Variants in PSMB11 observed in about 807,000 individuals in gnomAD.
The protein encoded by PSMB11 is proteasome subunit beta type-11.
For missense variants in PSMB11, 411 were observed against 408.2 expected (o/e 1.01, Z -0.06); for synonymous variants, 163 against 167.7 (o/e 0.97, Z 0.22).
Position 23,042,730 on chromosome 14 carries a change from C to T in PSMB11, c.505C>T (p.Arg169Cys), listed in dbSNP as rs200339082. Reference sequence around the variant, plus strand: ...CTTCTACGTCTATAGCGACGGCACCCGCCTGCAGGGGGACATCTTCTCTGT... The same window carrying T: ...CTTCTACGTCTATAGCGACGGCACCTGCCTGCAGGGGGACATCTTCTCTGT... ...ELFYVYSDGT[R>C]LQGDIFSVGS... Residue 169 changes from arginine to cysteine, a missense_variant, in exon 1 of 1, where the codon CGC becomes TGC. By Grantham distance (180) the Arg-to-Cys change is radical. Coordinates refer to ENST00000408907, the MANE Select transcript of PSMB11 (RefSeq NM_001099780.2). 1.2e-3 allele frequency: 1,884 copies of T among 1,613,270 alleles called. 5 individuals carry two copies. The Middle Eastern group carries it at 0.012, about 10-fold the overall frequency.
chr14:23,042,315 C>T lies in PSMB11; in HGVS notation c.90C>T (p.Pro30=), dbSNP rs1206550703. The T allele has an allele frequency of 1.2e-6, 2 of 1,613,706 alleles. No homozygotes were observed. ...HLPRAGGWAV[P]RGCDPQTFLQ... ...CTCGGGCTGGCGGCTGGGCTGTGCC[C>T]CGGGGTTGTGACCCTCAAACCTTCC... Residue 30 remains proline (P), a synonymous_variant, in exon 1 of 1, where the codon CCC becomes CCT. Coordinates refer to ENST00000408907, the MANE Select transcript of PSMB11 (RefSeq NM_001099780.2).
rs2047019693 is a variant in PSMB11 at position 23,042,647 on chromosome 14, G to C, written c.422G>C (p.Gly141Ala). 1.9e-6 allele frequency: 3 copies of C among 1,614,052 alleles called. No homozygotes were observed. The highest frequency in any genetic ancestry group is 1.7e-5 in the Admixed American group (1 of 60,032). The change falls in exon 1 of 1, where the codon GGA becomes GCA. Residue 141 changes from glycine to alanine, a missense_variant. Transcript: ENST00000408907. The stretch of plus-strand genomic sequence containing the variant: ...TCAGCCATGATGTCTCAATACCGGG[G>C]ACTGGATCTCTGTGTGGCCACTGCC... ...LLSAMMSQYRGLDLCVATALC... is the reference protein window; with the variant it reads ...LLSAMMSQYRALDLCVATALC...
rs780954406 is a variant in PSMB11, at chr14:23,042,886, G to T, written c.661G>T (p.Gly221Cys). 2.5e-6 allele frequency: 4 copies of T among 1,613,916 alleles called. No homozygotes were observed. The highest frequency in any genetic ancestry group is 2.5e-6 in the Non-Finnish European group (3 of 1,180,018). Residue 221 changes from glycine (G) to cysteine (C), a missense_variant, in exon 1 of 1, where the codon GGC becomes TGC. By Grantham distance (159) the Gly-to-Cys change is radical (BLOSUM62 -3). Transcript: ENST00000408907. ...CACCCACCGTGATGCCTATTCAGGG[G>T]GCTCTGTAGACCTTTTCCACGTGCG... is the stretch of plus-strand genomic sequence containing the variant. The part of the protein sequence containing the change: ...HATHRDAYSG[G>C]SVDLFHVRES...
At position 23,042,864 on chromosome 14, in the gene PSMB11, C is replaced by A. The variant is rs760630483; in HGVS notation, c.639C>A (p.Thr213=). 11 of 1,613,730 alleles carry A rather than the reference C, an allele frequency of 6.8e-6. No homozygotes were observed. Among genetic ancestry groups the A allele is most frequent in the Admixed American group, 1.7e-5 (1 of 60,014 alleles). The stretch of plus-strand genomic sequence containing the variant: ...CTCGCTGCGCCGTGGCCCACGCCAC[C>A]CACCGTGATGCCTATTCAGGGGGCT... The part of the protein sequence containing the change: ...ALARCAVAHA[T]HRDAYSGGSV... Residue 213 remains threonine, a synonymous_variant, in exon 1 of 1, where the codon ACC becomes ACA. Transcript: ENST00000408907.
Position 23,042,818 on chromosome 14 carries a change from C to A in PSMB11, c.593C>A (p.Thr198Asn). ...CGTGGCTATCGCTACGACATGAGCA[C>A]CCAGGAAGCCTACGCCCTGGCTCGC... ...LDRGYRYDMS[T>N]QEAYALARCA... Residue 198 changes from threonine (T) to asparagine (N), a missense_variant, in exon 1 of 1, where the codon ACC becomes AAC. Thr to Asn is a moderately conservative substitution (Grantham distance 65). Coordinates refer to ENST00000408907, the MANE Select transcript of PSMB11 (RefSeq NM_001099780.2). The A allele has an allele frequency of 6.2e-7, 1 of 1,613,108 alleles. No homozygotes were observed.
rs1826983370 is a variant in PSMB11, at chr14:23,043,861, A to C, written c.*733A>C. On this transcript the variant is annotated 3_prime_UTR_variant, in exon 1 of 1. Coordinates refer to ENST00000408907, the MANE Select transcript of PSMB11 (RefSeq NM_001099780.2). ...TCCAGGGTCCATGCTCTTTCAGCAC[A>C]GCTCCCCCTCCCAGGCCCTCTGCCC... 6.0e-6 allele frequency: 1 copy of C among 167,384 alleles called. No individual in the cohort carries two copies. 10.4% of individuals were successfully genotyped at this position (167,384 alleles called of 1,614,324 possible).
rs779964371 is a variant in PSMB11 at position 23,042,393 on chromosome 14, C to T, written c.168C>T (p.Arg56=). The T allele has an allele frequency of 1.8e-5, 29 of 1,613,696 alleles. No individual in the cohort carries two copies. In the Admixed American group the frequency reaches 3.3e-4, roughly 19 times the overall value. The change falls in exon 1 of 1, where the codon CGC becomes CGT. Residue 56 remains arginine, a synonymous_variant. Transcript: ENST00000408907. ...ACGGCACCACCACTCTGGCCTTCCG[C>T]TTCCGTCATGGAGTCATTGCTGCAG... The part of the protein sequence containing the change: ...LAHGTTTLAF[R]FRHGVIAAAD...
Position 23,042,969 on chromosome 14 carries a change from A to G in PSMB11, c.744A>G (p.Leu248=), listed in dbSNP as rs2047022496. 6.2e-7 allele frequency: 1 copy of G among 1,614,090 alleles called. No homozygotes were observed. Among genetic ancestry groups the G allele is most frequent in the Non-Finnish European group, 8.5e-7 (1 of 1,180,000 alleles). Residue 248 remains leucine, a synonymous_variant, in exon 1 of 1, where the codon TTA becomes TTG. Transcript: ENST00000408907. ...RSDACVLYVE[L]QKLLEPEPEE... ...ATGCCTGTGTGCTGTACGTGGAGTT[A>G]CAGAAGCTCCTGGAGCCGGAGCCAG...
At position 23,042,950 on chromosome 14, in the gene PSMB11, G is replaced by A; in HGVS notation, c.725G>A (p.Cys242Tyr). ...GAGCATGTGTCACGCAGTGATGCCTGTGTGCTGTACGTGGAGTTACAGAAG... is the reference window on the plus strand; with the variant it reads ...GAGCATGTGTCACGCAGTGATGCCTATGTGCTGTACGTGGAGTTACAGAAG... ...GWEHVSRSDA[C>Y]VLYVELQKLL... The change falls in exon 1 of 1, where the codon TGT becomes TAT. Residue 242 changes from cysteine to tyrosine, a missense_variant. Transcript: ENST00000408907. 1 of 1,614,202 alleles carries A rather than the reference G, an allele frequency of 6.2e-7. No homozygotes were observed. The highest frequency in any genetic ancestry group is 8.5e-7 in the Non-Finnish European group (1 of 1,180,038).
rs368107811 is a variant in PSMB11 at position 23,043,042 on chromosome 14, G to C, written c.817G>C (p.Ala273Pro). Reference protein sequence around the residue: ...AHPEPATAHRAAEDRELSVGP... With the variant: ...AHPEPATAHRPAEDRELSVGP... Reference sequence around the variant, plus strand: ...TCCTGAGCCTGCCACTGCCCACAGAGCTGCAGAAGATAGAGAGCTCTCTGT... The same window carrying C: ...TCCTGAGCCTGCCACTGCCCACAGACCTGCAGAAGATAGAGAGCTCTCTGT... The change falls in exon 1 of 1, where the codon GCT (alanine) becomes CCT (proline). Residue 273 changes from alanine (A) to proline (P), a missense_variant. Ala to Pro is a conservative substitution (Grantham distance 27). Coordinates refer to ENST00000408907, the MANE Select transcript of PSMB11 (RefSeq NM_001099780.2). 2.5e-6 allele frequency: 4 copies of C among 1,613,870 alleles called. No homozygotes were observed. The highest frequency in any genetic ancestry group is 3.4e-6 in the Non-Finnish European group (4 of 1,179,918).
chr14:23,042,653 ATC>A lies in PSMB11; in HGVS notation c.432_433del (p.Val146GlyfsTer13). On this transcript the variant is annotated frameshift_variant, in exon 1 of 1. Transcript: ENST00000408907. LOFTEE classifies it low-confidence loss of function (END_TRUNC). The stretch of plus-strand genomic sequence containing the variant: ...ATGATGTCTCAATACCGGGGACTGG[ATC>A]TCTGTGTGGCCACTGCCCTCTGCGG... 4 of 1,613,834 alleles carry A rather than the reference ATC, an allele frequency of 2.5e-6. No homozygotes were observed. Among genetic ancestry groups the A allele is most frequent in the Non-Finnish European group, 3.4e-6 (4 of 1,180,006 alleles).
In PSMB11 at chr14:23,042,976, C is replaced by G. The variant is rs1384460446; in HGVS notation, c.751C>G (p.Leu251Val). 6.2e-7 allele frequency: 1 copy of G among 1,614,002 alleles called. No individual in the cohort carries two copies. Among genetic ancestry groups the G allele is most frequent in the African/African-American group, 1.3e-5 (1 of 74,924 alleles). Reference protein sequence around the residue: ...ACVLYVELQKLLEPEPEEDAS... With the variant: ...ACVLYVELQKVLEPEPEEDAS... ...TGTGCTGTACGTGGAGTTACAGAAG[C>G]TCCTGGAGCCGGAGCCAGAGGAGGA... Residue 251 changes from leucine to valine, a missense_variant, in exon 1 of 1, where the codon CTC (leucine) becomes GTC (valine). Transcript: ENST00000408907.
At position 23,042,888 on chromosome 14, in the gene PSMB11, C is replaced by A. The variant is rs1198353534; in HGVS notation, c.663C>A (p.Gly221=). 1.9e-6 allele frequency: 3 copies of A among 1,613,892 alleles called. No homozygotes were observed. The highest frequency in any genetic ancestry group is 2.5e-6 in the Non-Finnish European group (3 of 1,179,990). ...HATHRDAYSG[G]SVDLFHVRES... is the part of the protein sequence containing the mutation. ...CCCACCGTGATGCCTATTCAGGGGG[C>A]TCTGTAGACCTTTTCCACGTGCGGG... The change falls in exon 1 of 1, where the codon GGC becomes GGA. Residue 221 remains glycine, a synonymous_variant. Coordinates refer to ENST00000408907, the MANE Select transcript of PSMB11 (RefSeq NM_001099780.2).
At position 23,043,013 on chromosome 14, in the gene PSMB11, C is replaced by T; in HGVS notation, c.788C>T (p.Ala263Val). The T allele has an allele frequency of 6.2e-7, 1 of 1,613,904 alleles. No homozygotes were observed. The highest frequency in any genetic ancestry group is 8.5e-7 in the Non-Finnish European group (1 of 1,179,952). Residue 263 changes from alanine to valine, a missense_variant, in exon 1 of 1, where the codon GCC becomes GTC. Physicochemically the swap from Ala to Val is moderately conservative, Grantham distance 64. Coordinates refer to ENST00000408907, the MANE Select transcript of PSMB11 (RefSeq NM_001099780.2). ...EPEPEEDASHAHPEPATAHRA... is the reference protein window; with the variant it reads ...EPEPEEDASHVHPEPATAHRA... ...GAGCCAGAGGAGGATGCCAGCCATG[C>T]CCATCCTGAGCCTGCCACTGCCCAC...
In PSMB11 at chr14:23,042,978, C is replaced by G; in HGVS notation, c.753C>G (p.Leu251=). Residue 251 remains leucine (L), a synonymous_variant, in exon 1 of 1, where the codon CTC becomes CTG. Transcript: ENST00000408907. ...ACVLYVELQK[L]LEPEPEEDAS... is the part of the protein sequence containing the mutation. ...TGCTGTACGTGGAGTTACAGAAGCT[C>G]CTGGAGCCGGAGCCAGAGGAGGATG... 6.2e-7 allele frequency: 1 copy of G among 1,614,126 alleles called. No individual in the cohort carries two copies. Among genetic ancestry groups the G allele is most frequent in the East Asian group, 2.2e-5 (1 of 44,888 alleles).
Position 23,042,474 on chromosome 14 carries a change from C to A in PSMB11, c.249C>A (p.Val83=). Residue 83 remains valine (V), a synonymous_variant, in exon 1 of 1, where the codon GTC becomes GTA. Transcript: ENST00000408907. ...TGGCGTGTCCAGCCTCATGCAAGGT[C>A]ATCCCTGTGCACCAGCACCTCCTGG... ...SYVACPASCK[V]IPVHQHLLGT... is the part of the protein sequence containing the mutation. The A allele has an allele frequency of 6.2e-7, 1 of 1,614,192 alleles. No homozygotes were observed. Among genetic ancestry groups the A allele is most frequent in the African/African-American group, 1.3e-5 (1 of 75,074 alleles).
In PSMB11 at chr14:23,043,004, C is replaced by A; in HGVS notation, c.779C>A (p.Ala260Asp). ...KLLEPEPEED[A>D]SHAHPEPATA... ...CTGGAGCCGGAGCCAGAGGAGGATGCCAGCCATGCCCATCCTGAGCCTGCC... is the reference window on the plus strand; with the variant it reads ...CTGGAGCCGGAGCCAGAGGAGGATGACAGCCATGCCCATCCTGAGCCTGCC... Residue 260 changes from alanine (A) to aspartate (D), a missense_variant, in exon 1 of 1, where the codon GCC (alanine) becomes GAC (aspartate). Coordinates refer to ENST00000408907, the MANE Select transcript of PSMB11 (RefSeq NM_001099780.2). The A allele has an allele frequency of 6.2e-7, 1 of 1,613,942 alleles. No homozygotes were observed.
chr14:23,042,942 T>C lies in PSMB11; in HGVS notation c.717T>C (p.Ser239=). Residue 239 remains serine (S), a synonymous_variant, in exon 1 of 1, where the codon AGT becomes AGC. Coordinates refer to ENST00000408907, the MANE Select transcript of PSMB11 (RefSeq NM_001099780.2). ...GTGGATGGGAGCATGTGTCACGCAG[T>C]GATGCCTGTGTGCTGTACGTGGAGT... is the stretch of plus-strand genomic sequence containing the variant. ...RESGWEHVSR[S]DACVLYVELQ... 1 of 1,614,090 alleles carries C rather than the reference T, an allele frequency of 6.2e-7. No homozygotes were observed. The highest frequency in any genetic ancestry group is 1.3e-5 in the African/African-American group (1 of 75,018).
Position 23,043,161 on chromosome 14 carries a change from T to G in PSMB11, c.*33T>G. The G allele has an allele frequency of 6.6e-7, 1 of 1,507,210 alleles. No homozygotes were observed. The highest frequency in any genetic ancestry group is 1.9e-5 in the Admixed American group (1 of 51,386). The allele number at this position is 1,507,210 out of a possible 1,614,324, so 93.4% of individuals were successfully genotyped here. Reference sequence around the variant, plus strand: ...GACTTGGTTGGGGATGGTGTAGGCCTGGGGAGTGGGTGGGAGGATGGGCAG... The same window carrying G: ...GACTTGGTTGGGGATGGTGTAGGCCGGGGGAGTGGGTGGGAGGATGGGCAG... On this transcript the variant is annotated 3_prime_UTR_variant, in exon 1 of 1. Coordinates refer to ENST00000408907, the MANE Select transcript of PSMB11 (RefSeq NM_001099780.2).
Sources: gnomAD v4.1 joint callset for allele counts on GRCh38, gnomAD v4.1.1 for gene constraint, MANE v1.5 for transcripts, NCBI Gene and HGNC (gene_info 2026-07-23, HGNC 2026-07-21) for gene names.